OCA2: variants seen among roughly 807,000 people sequenced by gnomAD.
OCA2 encodes the protein P protein.
Under a neutral mutation model 100.2 loss-of-function variants are expected in OCA2, and 77 were observed. The ratio of observed to expected loss-of-function variants is 0.77; its 90% CI spans 0.64 to 0.93. The LOEUF (loss-of-function observed/expected upper bound fraction) is 0.93, where lower values mean the gene tolerates loss of function less well. Ranked by LOEUF, OCA2 falls within the 40% of genes least tolerant of loss-of-function variation. The probability of loss-of-function intolerance (pLI) is 0.00; values close to 1 mark genes in which losing one functional copy is unlikely to be tolerated. For missense variants in OCA2, 1,062 were observed against 1,089.1 expected (o/e 0.98, Z 0.35); for synonymous variants, 432 against 439.2 (o/e 0.98, Z 0.21).
chr15:27,994,181 G>A (rs2041647697), intron 9 of OCA2, among the ~76,000 whole-genome samples: 1 of 152,150 alleles, frequency 6.6e-6, no homozygotes, highest in Non-Finnish European at 1.5e-5. Context: ...TCTGCCTCCT[G>A]TCAGATCAGC....
intron 19 of OCA2, among the ~76,000 whole-genome samples, chr15:27,882,690 T>C (rs1255136074): frequency 6.6e-6 from 1 of 151,952 alleles, no homozygotes; most frequent in Non-Finnish European, 1.5e-5. Flanking sequence ...CTTCTGGAGA[T>C]TATTATTTTT....
At position 28,079,312 on chromosome 15, in the gene OCA2, T is replaced by C. The variant is rs1195121959; in HGVS notation, c.227+2336A>G. Among the ~76,000 whole-genome samples the C allele has an allele frequency of 5.5e-4, 78 of 141,664 alleles. 1 individual carries two copies. Among genetic ancestry groups the C allele is most frequent in the Non-Finnish European group, 4.5e-5 (3 of 66,794 alleles). 92.9% of individuals were successfully genotyped at this position (141,664 alleles called of 152,430 possible). ...GATAAGATTACTGTTTTTTTTTTTT[T>C]CATTTTCTGCCTATTTTCATGAAAC... On this transcript the variant is annotated intron_variant, in intron 2 of 23. Coordinates refer to ENST00000354638, the MANE Select transcript of OCA2 (RefSeq NM_000275.3).
intron 19 of OCA2, among the ~76,000 whole-genome samples, chr15:27,877,622 T>C (rs528022801): frequency 1.7e-4 from 26 of 152,148 alleles, no homozygotes; most frequent in African/African-American, 6.3e-4. Context: ...ACTTTGGCCT[T>C]TTATGCTTAT....
chr15:27,838,911 G>A (rs1443114638), intron 23 of OCA2, among the ~76,000 whole-genome samples: 2 of 152,136 alleles, frequency 1.3e-5, no homozygotes, highest in East Asian at 3.9e-4. Context: ...TCAAAAGGCA[G>A]GAACACTTCA....
At chr15:27,852,673 T>A (rs994523467) in intron 21 of OCA2, among the ~76,000 whole-genome samples, 1 of 151,250 alleles carries the variant, frequency 6.6e-6, no homozygotes, top group African/African-American at 2.4e-5. Flanking sequence ...AACCTACTCA[T>A]CTGACAAAGG....
intron 2 of OCA2, among the ~76,000 whole-genome samples, chr15:28,068,861 T>G (rs529548349): frequency 6.6e-6 from 1 of 152,198 alleles, no homozygotes; most frequent in African/African-American, 2.4e-5. Context: ...TCTCAATAGA[T>G]GCAGAAAAAG....
chr15:27,782,317 C>T (rs1381668665), intron 23 of OCA2, among the ~76,000 whole-genome samples: 1 of 152,194 alleles, frequency 6.6e-6, no homozygotes, highest in Non-Finnish European at 1.5e-5. Flanking sequence ...GATTCTGTGC[C>T]TCCGTGACAA....
chr15:28,092,668 G>T (rs2044890887), intron 1 of OCA2, among the ~76,000 whole-genome samples: 1 of 152,110 alleles, frequency 6.6e-6, no homozygotes, highest in African/African-American at 2.4e-5. Flanking sequence ...GAATTATATG[G>T]TATTTAATTA....
chr15:27,962,464 G>A (rs2040438031), intron 15 of OCA2, among the ~76,000 whole-genome samples: 1 of 152,208 alleles, frequency 6.6e-6, no homozygotes. Context: ...GATGTGCTCT[G>A]ACACAGGAGG....
chr15:27,930,756 A>G (rs2140411740), intron 18 of OCA2, among the ~76,000 whole-genome samples: 1 of 151,812 alleles, frequency 6.6e-6, no homozygotes, highest in African/African-American at 2.4e-5. Flanking sequence ...GGAGCTCCTC[A>G]GTGTGGTGAC....
intron 9 of OCA2, among the ~76,000 whole-genome samples, chr15:28,000,270 C>G (rs2041887175): frequency 6.6e-6 from 1 of 152,020 alleles, no homozygotes; most frequent in South Asian, 2.1e-4. Context: ...ATATATAGAC[C>G]AATAGAACAG....
intron 23 of OCA2, among the ~76,000 whole-genome samples, chr15:27,766,183 A>G (rs2031245898): frequency 6.6e-6 from 1 of 152,236 alleles, no homozygotes; most frequent in Non-Finnish European, 1.5e-5. Context: ...AAGGAAACAG[A>G]TGAAATTAAG....
the OCA2 span, among the ~76,000 whole-genome samples, chr15:27,729,676 T>C: frequency 6.6e-6 from 1 of 152,162 alleles, no homozygotes; most frequent in East Asian, 1.9e-4. Flanking sequence ...TCTCTGCCTA[T>C]GGCGGGAAAA....
intron 21 of OCA2, among the ~76,000 whole-genome samples, chr15:27,870,739 G>A (rs2036522190): frequency 1.1e-5 from 1 of 88,426 alleles, no homozygotes; most frequent in African/African-American, 3.1e-5. Flanking sequence ...AAGGAAGGGA[G>A]GGAGGGAGGG....
chr15:28,053,496 C>T (rs2043581999), intron 2 of OCA2, among the ~76,000 whole-genome samples: 1 of 152,188 alleles, frequency 6.6e-6, no homozygotes, highest in African/African-American at 2.4e-5. Context: ...CCAAGCATTT[C>T]TCAAGGCATC....
intron 19 of OCA2, chr15:27,896,218 G>A: frequency 1.0e-6 from 1 of 957,300 alleles, no homozygotes; most frequent in Non-Finnish European, 1.7e-6. Flanking sequence ...ATCCCTCACA[G>A]TACCAAATGA....
At chr15:27,774,839 G>T (rs909386464) in intron 23 of OCA2, among the ~76,000 whole-genome samples, 1 of 152,146 alleles carries the variant, frequency 6.6e-6, no homozygotes. Flanking sequence ...GGCCAAGTCC[G>T]CAGGCCACGA....
In OCA2 at chr15:28,028,067, G is replaced by T. The variant is rs764131203; in HGVS notation, c.327-8C>A. 3 of 1,614,170 alleles carry T rather than the reference G, an allele frequency of 1.9e-6. 1 individual carries two copies. In the South Asian group the frequency reaches 3.3e-5, roughly 18 times the overall value. ...ACAGGTATGCACCGTGACCTGGAAA[G>T]CAAGAGAGGTGTGGTTATCTCTCCT... On this transcript the variant is annotated splice_polypyrimidine_tract_variant and splice_region_variant and intron_variant, in intron 3 of 23. Coordinates refer to ENST00000354638, the MANE Select transcript of OCA2 (RefSeq NM_000275.3).
intron 19 of OCA2, among the ~76,000 whole-genome samples, chr15:27,920,495 T>G (rs2038819325): frequency 6.6e-6 from 1 of 152,120 alleles, no homozygotes; most frequent in African/African-American, 2.4e-5. Context: ...TTTACAAAAA[T>G]TATAAGATAT....
Sources: allele counts gnomAD v4.1 joint callset (sites outside exome capture counted in the v4.1 genomes callset), GRCh38; gene constraint gnomAD v4.1.1; transcripts MANE v1.5; gene names NCBI Gene and HGNC (gene_info 2026-07-23, HGNC 2026-07-21).